ABCB7: variants seen among roughly 807,000 people sequenced by gnomAD.
ABCB7 encodes iron-sulfur clusters transporter ABCB7, mitochondrial.
A neutral mutation model predicts 54.4 loss-of-function variants in ABCB7; 7 were observed. The ratio of observed to expected loss-of-function variants is 0.13; its 90% confidence interval spans 0.07 to 0.24. The LOEUF (loss-of-function observed/expected upper bound fraction) is 0.24, where lower values mean the gene tolerates loss of function less well. Ranked by LOEUF, ABCB7 falls within the 10% of genes least tolerant of loss-of-function variation. The pLI is 1.00. For missense variants in ABCB7, 356 were observed against 570.4 expected (o/e 0.62, Z 3.83); for synonymous variants, 218 against 207.1 (o/e 1.05, Z -0.45).
chrX:75,121,974 G>A (rs902195731), intron 1 of ABCB7, among the ~76,000 whole-genome samples: 2 of 110,904 alleles, frequency 1.8e-5, no homozygotes, highest in Admixed American at 9.6e-5. Context: ...GCATCAGATG[G>A]ATCTTCATCC....
At chrX:75,114,265 G>C (rs2048221596) in intron 2 of ABCB7, among the ~76,000 whole-genome samples, 1 of 111,552 alleles carries the variant, frequency 9.0e-6, no homozygotes, top group African/African-American at 3.3e-5. Context: ...AGATTTATGG[G>C]TCTCATTTTA....
chrX:75,096,100 C>T (rs1425140535), intron 4 of ABCB7, among the ~76,000 whole-genome samples: 1 of 112,021 alleles, frequency 8.9e-6, no homozygotes, highest in Non-Finnish European at 1.9e-5. Context: ...ATTCAACTAA[C>T]AAAGGAGCAT....
At chrX:75,133,987 T>C (rs2081992632) in intron 1 of ABCB7, among the ~76,000 whole-genome samples, 1 of 111,975 alleles carries the variant, frequency 8.9e-6, no homozygotes, top group Non-Finnish European at 1.9e-5. Context: ...TTAATTAATA[T>C]TCACCTTAAA....
At chrX:75,153,055 TTC>T (rs778805372) in intron 1 of ABCB7, among the ~76,000 whole-genome samples, 13 of 109,968 alleles carry the variant, frequency 1.2e-4, no homozygotes, top group African/African-American at 1.7e-4. Flanking sequence ...CTCTTGTAAG[TTC>T]TGTTTTTGTT....
chrX:75,106,166 T>G (rs1163886500), intron 3 of ABCB7, among the ~76,000 whole-genome samples: 15 of 110,949 alleles, frequency 1.4e-4, no homozygotes, highest in African/African-American at 4.6e-4. Context: ...ACAGATTAAA[T>G]AGAAAACTTA....
rs1186690341 is a variant in ABCB7, at chrX:75,098,823, TG to T, written c.453+118del. On this transcript the variant is annotated intron_variant, in intron 4 of 15. Coordinates refer to ENST00000373394, the MANE Select transcript of ABCB7 (RefSeq NM_001271696.3). Reference sequence around the variant, plus strand: ...GCATAAAATAATTATGTAAACTAAATGAGGGTCCTAAAAGTTGGTCATGCTA... The same window carrying T: ...GCATAAAATAATTATGTAAACTAAATAGGGTCCTAAAAGTTGGTCATGCTA... 3 of 855,830 alleles carry T rather than the reference TG, an allele frequency of 3.5e-6. No individual in the cohort carries two copies. In the African/African-American group the frequency reaches 6.0e-5, roughly 17 times the overall value. The allele number at this position is 855,830 out of a possible 1,213,427, so 70.5% of individuals were successfully genotyped here.
At chrX:75,132,287 A>G (rs1422915345) in intron 1 of ABCB7, among the ~76,000 whole-genome samples, 2 of 111,241 alleles carry the variant, frequency 1.8e-5, no homozygotes, top group Non-Finnish European at 3.8e-5. Context: ...AGAGGCCACA[A>G]TGACTTCTCT....
At chrX:75,097,689 T>C (rs1272085090) in intron 4 of ABCB7, among the ~76,000 whole-genome samples, 1 of 111,868 alleles carries the variant, frequency 8.9e-6, no homozygotes. Flanking sequence ...AATCCTTATA[T>C]ATAAGAGTGG....
At chrX:75,080,809 T>C (rs6647621) in intron 4 of ABCB7, among the ~76,000 whole-genome samples, 3,221 of 112,234 alleles carry the variant, frequency 0.029, 116 homozygotes, top group African/African-American at 0.1. Context: ...ATGTCTTTTA[T>C]GCATTTTATA....
At chrX:75,139,006 C>CAAAA (rs60785681) in intron 1 of ABCB7, among the ~76,000 whole-genome samples, 58 of 57,811 alleles carry the variant, frequency 1.0e-3, no homozygotes, top group African/African-American at 3.2e-3. Flanking sequence ...GACTCTGCCT[C>CAAAA]AAAAAAAAAA....
chrX:75,102,033 T>G lies in ABCB7; in HGVS notation c.334-2972A>C, dbSNP rs750269362. The stretch of plus-strand genomic sequence containing the variant: ...AACTGGAGACCAAACCAAAGAGGCA[T>G]TTCAGAGTCCGAGGCACAGTTTTTA... On this transcript the variant is annotated intron_variant, in intron 3 of 15. Transcript: ENST00000373394. 4.5e-5 allele frequency among the ~76,000 whole-genome samples: 5 copies of G among 111,620 alleles called. No homozygotes were observed. In the East Asian group the frequency reaches 1.4e-3, roughly 31 times the overall value.
chrX:75,068,927 C>G, intron 12 of ABCB7, 80 bp downstream of exon 12: 1 of 1,084,827 alleles, frequency 9.2e-7, no homozygotes. Context: ...ATGTTGATCC[C>G]TTGATTCAAA....
At chrX:75,079,447 T>C (rs1316770133) in intron 4 of ABCB7, among the ~76,000 whole-genome samples, 4 of 111,781 alleles carry the variant, frequency 3.6e-5, no homozygotes, top group African/African-American at 1.3e-4. Context: ...ATCCTGCCTT[T>C]AGCAGAACTA....
intron 4 of ABCB7, among the ~76,000 whole-genome samples, chrX:75,098,735 C>G (rs1301243833): frequency 9.0e-6 from 1 of 111,730 alleles, no homozygotes; most frequent in Non-Finnish European, 1.9e-5. Context: ...GTGAATTCCA[C>G]TAATTCTGTG....
chrX:75,081,517 T>C (rs2081455433), intron 4 of ABCB7, among the ~76,000 whole-genome samples: 1 of 112,227 alleles, frequency 8.9e-6, no homozygotes, highest in African/African-American at 3.2e-5. Context: ...TGCTTTCATA[T>C]ATTCAAGGCA....
chrX:75,114,262 T>C (rs1280533587), intron 2 of ABCB7, among the ~76,000 whole-genome samples: 1 of 111,935 alleles, frequency 8.9e-6, no homozygotes, highest in Non-Finnish European at 1.9e-5. Context: ...CGGAGATTTA[T>C]GGGTCTCATT....
chrX:75,076,119 CA>C (rs2081407275), intron 5 of ABCB7, among the ~76,000 whole-genome samples: 1 of 111,432 alleles, frequency 9.0e-6, no homozygotes, highest in Non-Finnish European at 1.9e-5. Context: ...AGATTTGTGT[CA>C]TTACTAATGA....
chrX:75,126,113 G>C (rs2081924445), intron 1 of ABCB7, among the ~76,000 whole-genome samples: 1 of 111,326 alleles, frequency 9.0e-6, no homozygotes, highest in Non-Finnish European at 1.9e-5. Flanking sequence ...TGGCTGGCTT[G>C]AAAAGAAGCA....
chrX:75,127,979 C>T (rs2081946503), intron 1 of ABCB7, among the ~76,000 whole-genome samples: 1 of 111,873 alleles, frequency 8.9e-6, no homozygotes, highest in African/African-American at 3.2e-5. Flanking sequence ...ATATTCCATG[C>T]TCATGGATAG....
Sources: allele counts gnomAD v4.1 joint callset (sites outside exome capture counted in the v4.1 genomes callset), GRCh38; gene constraint gnomAD v4.1.1; transcripts MANE v1.5; gene names NCBI Gene and HGNC (gene_info 2026-07-23, HGNC 2026-07-21).